The following PIEZO2 variants were observed in gnomAD, a reference collection of about 807,000 sequenced individuals.
The protein encoded by PIEZO2 is piezo type mechanosensitive ion channel component 2.
PIEZO2 carries 172 observed loss-of-function variants against 337.3 expected under a neutral mutation model. The ratio of observed to expected loss-of-function variants is 0.51; its 90% confidence interval spans 0.45 to 0.58. The LOEUF (loss-of-function observed/expected upper bound fraction) is 0.58. Among genes scored for constraint, PIEZO2 ranks in the 20% least tolerant of loss-of-function variants. The pLI is 0.00. For synonymous variants in PIEZO2, 1,251 were observed against 1,228.5 expected, an observed-to-expected ratio of 1.02 and a Z score of -0.38; for missense variants, 3,028 against 3,391.3, an observed-to-expected ratio of 0.89 and a Z score of 2.66.
intron 2 of PIEZO2, among the ~76,000 whole-genome samples, chr18:10,984,452 T>G (rs2034791364): frequency 6.6e-6 from 1 of 151,400 alleles, no homozygotes; most frequent in South Asian, 2.1e-4. Flanking sequence ...ACTGAAAAAT[T>G]TAATGGAGAG....
intron 7 of PIEZO2, among the ~76,000 whole-genome samples, chr18:10,843,437 A>G (rs2041255173): frequency 6.6e-6 from 1 of 152,118 alleles, no homozygotes; most frequent in Non-Finnish European, 1.5e-5. Context: ...GAAAAAAGTC[A>G]ATCTTTCTAC....
rs2041677081 is a variant in PIEZO2, at chr18:10,855,435, T to C, written c.835A>G (p.Thr279Ala). The change falls in exon 7 of 56, where the codon ACT becomes GCT. Residue 279 changes from threonine (T) to alanine (A), a missense_variant. Coordinates refer to ENST00000674853, the MANE Select transcript of PIEZO2 (RefSeq NM_001378183.1). This position sits in a 1 kb window ranked among gnomAD's most constrained non-coding sequence, Gnocchi z 4.9. Reference protein sequence around the residue: ...SCLCVLLAIFTAGHLIGLYLY... With the variant: ...SCLCVLLAIFAAGHLIGLYLY... Reference sequence around the variant, plus strand: ...TAAAGTCCAATCAAATGTCCAGCAGTGAAAATAGCCAGCAGAACACAGAGA... The same window carrying C: ...TAAAGTCCAATCAAATGTCCAGCAGCGAAAATAGCCAGCAGAACACAGAGA... 1 of 1,536,964 alleles carries C rather than the reference T, an allele frequency of 6.5e-7. No homozygotes were observed. Among genetic ancestry groups the C allele is most frequent in the Non-Finnish European group, 8.7e-7 (1 of 1,146,832 alleles).
intron 44 of PIEZO2, among the ~76,000 whole-genome samples, chr18:10,698,581 T>C (rs1432087419): frequency 1.3e-5 from 2 of 152,246 alleles, no homozygotes; most frequent in African/African-American, 4.8e-5. Context: ...TACATTGTGA[T>C]TGATAGCACT....
chr18:10,844,240 G>A (rs1683380), intron 7 of PIEZO2, among the ~76,000 whole-genome samples: 48,176 of 151,502 alleles, frequency 0.32, 8,314 homozygotes, highest in East Asian at 0.65. Context: ...CCAACATGGC[G>A]AAGCCCCATC....
chr18:10,726,412 A>G lies in PIEZO2; in HGVS notation c.5029+4995T>C. 1 of 1,529,318 alleles carries G rather than the reference A, an allele frequency of 6.5e-7. No homozygotes were observed. The highest frequency in any genetic ancestry group is 8.7e-7 in the Non-Finnish European group (1 of 1,144,746). 94.7% of individuals were successfully genotyped at this position (1,529,318 alleles called of 1,614,324 possible). On this transcript the variant is annotated intron_variant, in intron 36 of 55. Transcript: ENST00000674853. This position sits in a 1 kb window ranked among gnomAD's most constrained non-coding sequence, Gnocchi z 5.9. The stretch of plus-strand genomic sequence containing the variant: ...GGTAACAACGCGCGCCAGCCGTGGC[A>G]CAACGCGGAGGGCCGGCTGCGGTAC...
chr18:10,697,450 G>C (rs1463961190), intron 45 of PIEZO2, among the ~76,000 whole-genome samples: 1 of 152,234 alleles, frequency 6.6e-6, no homozygotes, highest in Non-Finnish European at 1.5e-5. Flanking sequence ...CTCTCAGTCT[G>C]GCTGGACTTC....
chr18:10,750,715 A>C lies in PIEZO2; in HGVS notation c.4168-528T>G, dbSNP rs1318403237. On this transcript the variant is annotated intron_variant, in intron 28 of 55. Transcript: ENST00000674853. The surrounding 1 kb of genome is among the most constrained non-coding windows in gnomAD (Gnocchi z 4.1). ...GATTGGCAGGTGGTTGTCTCATAAC[A>C]ATGAATTTTTTGTTATAGTTAAGTT... Among the ~76,000 whole-genome samples, 2 of 152,206 alleles carry C rather than the reference A, an allele frequency of 1.3e-5. No individual in the cohort carries two copies. Among genetic ancestry groups the C allele is most frequent in the Admixed American group, 1.3e-4 (2 of 15,280 alleles).
chr18:10,797,453 C>T lies in PIEZO2; in HGVS notation c.1448G>A (p.Ser483Asn), dbSNP rs534855857. The change falls in exon 12 of 56, where the codon AGT becomes AAT. Residue 483 changes from serine to asparagine, a missense_variant. Physicochemically the swap from Ser to Asn is conservative, Grantham distance 46. Coordinates refer to ENST00000674853, the MANE Select transcript of PIEZO2 (RefSeq NM_001378183.1). ...GGAGACCATGGCATGAACTTTGATACTTCTTTTTTCCTCACGGCTCCTTTC... is the reference window on the plus strand; with the variant it reads ...GGAGACCATGGCATGAACTTTGATATTTCTTTTTTCCTCACGGCTCCTTTC... ...EEERSREEKRSIKVHAMVSVF... is the reference protein window; with the variant it reads ...EEERSREEKRNIKVHAMVSVF... 85 of 1,537,074 alleles carry T rather than the reference C, an allele frequency of 5.5e-5. No homozygotes were observed. The highest frequency in any genetic ancestry group is 7.1e-5 in the Non-Finnish European group (81 of 1,146,912).
intron 51 of PIEZO2, among the ~76,000 whole-genome samples, chr18:10,680,636 G>A (rs962526737): frequency 2.0e-5 from 3 of 152,064 alleles, no homozygotes; most frequent in African/African-American, 7.2e-5. Context: ...AAACAATAAA[G>A]GAAAAACAGA....
At chr18:10,703,638 C>T in intron 42 of PIEZO2, among the ~76,000 whole-genome samples, 1 of 152,030 alleles carries the variant, frequency 6.6e-6, no homozygotes, top group Non-Finnish European at 1.5e-5. Flanking sequence ...AACCTGAGAG[C>T]ACAAAGCACC....
intron 9 of PIEZO2, 26 bp from the exon 10 acceptor site, chr18:10,801,454 T>G (rs2144274694): frequency 6.7e-7 from 1 of 1,487,354 alleles, no homozygotes; most frequent in Admixed American, 2.0e-5. Context: ...CGGGAAAGCA[T>G]GTTAGTAAGG....
Position 11,066,031 on chromosome 18 carries a change from A to G in PIEZO2, c.160+96T>C, listed in dbSNP as rs967051820. 16 of 943,168 alleles carry G rather than the reference A, an allele frequency of 1.7e-5. No homozygotes were observed. The East Asian group carries it at 3.9e-4, about 23-fold the overall frequency. The allele number at this position is 943,168 out of a possible 1,614,324, so 58.4% of individuals were successfully genotyped here. On this transcript the variant is annotated intron_variant, in intron 2 of 55. Transcript: ENST00000674853. ...CCATATTAGCCCTGCTGCATAGATA[A>G]CATCTCTGCCATTAGATAAAGGCCA... is the stretch of plus-strand genomic sequence containing the variant.
intron 1 of PIEZO2, among the ~76,000 whole-genome samples, chr18:11,117,562 GT>G (rs2039925817): frequency 1.3e-5 from 2 of 152,198 alleles, no homozygotes; most frequent in Non-Finnish European, 2.9e-5. Flanking sequence ...CACCAAGTTC[GT>G]TTAGAATGTT....
chr18:10,978,518 T>G (rs2034535670), intron 3 of PIEZO2, among the ~76,000 whole-genome samples: 1 of 152,204 alleles, frequency 6.6e-6, no homozygotes, highest in Non-Finnish European at 1.5e-5. Flanking sequence ...ATAAAATGGC[T>G]GGATTGAACA....
chr18:10,994,400 CTTTT>C (rs71169965), intron 2 of PIEZO2, among the ~76,000 whole-genome samples: 3 of 143,278 alleles, frequency 2.1e-5, no homozygotes, highest in Non-Finnish European at 3.1e-5. Context: ...TTTGTTCTTT[CTTTT>C]TTTTTTTTTT....
At chr18:10,732,989 A>G (rs184507481) in intron 35 of PIEZO2, among the ~76,000 whole-genome samples, 2 of 134,392 alleles carry the variant, frequency 1.5e-5, no homozygotes, top group Admixed American at 1.5e-4. Flanking sequence ...AATAGAAAAC[A>G]AAAAAGTAAT....
intron 23 of PIEZO2, 94 bp from the exon 24 acceptor site, chr18:10,761,205 T>C (rs2038116651): frequency 8.8e-7 from 1 of 1,141,194 alleles, no homozygotes; most frequent in Non-Finnish European, 1.2e-6. Context: ...ACAAGGACAA[T>C]GTTTTATAAA....
chr18:11,019,390 C>T (rs1470866699), intron 2 of PIEZO2, among the ~76,000 whole-genome samples: 1 of 152,190 alleles, frequency 6.6e-6, no homozygotes, highest in Non-Finnish European at 1.5e-5. Flanking sequence ...CAGTTCATCC[C>T]CTACCATTCA....
At chr18:10,998,188 G>C (rs564197798) in intron 2 of PIEZO2, among the ~76,000 whole-genome samples, 1 of 151,968 alleles carries the variant, frequency 6.6e-6, no homozygotes, top group Admixed American at 6.6e-5. Context: ...GAGGCAAAAA[G>C]AAAATATCCT....
Sources: allele counts gnomAD v4.1 joint callset (sites outside exome capture counted in the v4.1 genomes callset), GRCh38; gene constraint gnomAD v4.1.1; non-coding constraint Gnocchi (gnomAD v3.1); transcripts MANE v1.5; gene names NCBI Gene and HGNC (gene_info 2026-07-23, HGNC 2026-07-21).